TUT4: variants seen among roughly 807,000 people sequenced by gnomAD.
The protein encoded by TUT4 is terminal uridylyltransferase 4.
In TUT4, 36 loss-of-function variants were observed where a neutral mutation model predicts 192.2. The observed-to-expected ratio is 0.19, with a 90% confidence interval of 0.14 to 0.25. The LOEUF (loss-of-function observed/expected upper bound fraction) is 0.25, where lower values mean the gene tolerates loss of function less well. TUT4 is among the 10% of genes least tolerant of loss of function. The probability of loss-of-function intolerance (pLI) is 1.00; values close to 1 mark genes in which losing one functional copy is unlikely to be tolerated. For missense variants in TUT4, 1,493 were observed against 1,957.2 expected (o/e 0.76, Z 4.47); for synonymous variants, 618 against 666.0 (o/e 0.93, Z 1.11).
chr1:52,520,058 A>G (rs1444841309), intron 2 of TUT4, among the ~76,000 whole-genome samples: 1 of 152,140 alleles, frequency 6.6e-6, no homozygotes, highest in Non-Finnish European at 1.5e-5. Flanking sequence ...AGCTAGCCAT[A>G]TGGACATTTG....
intron 26 of TUT4, among the ~76,000 whole-genome samples, chr1:52,435,824 C>T (rs1653571833): frequency 6.6e-6 from 1 of 152,066 alleles, no homozygotes; most frequent in South Asian, 2.1e-4. Flanking sequence ...GTGGGAGGAT[C>T]ACTTGAGTCC....
rs1241454623 is a variant in TUT4, at chr1:52,431,089, G to A, written c.4635C>T (p.Asn1545=). The A allele has an allele frequency of 4.3e-6, 7 of 1,614,108 alleles. No homozygotes were observed. The African/African-American group carries it at 9.3e-5, about 22-fold the overall frequency. The change falls in exon 28 of 30, where the codon AAC becomes AAT. Residue 1545 remains asparagine, a synonymous_variant. Coordinates refer to ENST00000257177, the MANE Select transcript of TUT4 (RefSeq NM_001009881.3). ...QPAARPVAIP[N]TSHDGHWPRT... Reference sequence around the variant, plus strand: ...GGGGCCAGTGTCCATCGTGAGACGTGTTAGGGATTGCCACAGGTCTGGCAG... The same window carrying A: ...GGGGCCAGTGTCCATCGTGAGACGTATTAGGGATTGCCACAGGTCTGGCAG...
intron 1 of TUT4, among the ~76,000 whole-genome samples, chr1:52,545,594 TA>T (rs1687863978): frequency 6.6e-6 from 1 of 151,992 alleles, no homozygotes; most frequent in African/African-American, 2.4e-5. Flanking sequence ...TGAATATCAC[TA>T]ATCATTAGGG....
chr1:52,514,499 C>G (rs1027815469), intron 3 of TUT4, among the ~76,000 whole-genome samples: 1 of 152,088 alleles, frequency 6.6e-6, no homozygotes, highest in Non-Finnish European at 1.5e-5. Flanking sequence ...TTCCTTTTAA[C>G]TAGGATCTTG....
intron 14 of TUT4, among the ~76,000 whole-genome samples, chr1:52,470,569 CAAG>C (rs1665467753): frequency 6.6e-6 from 1 of 151,790 alleles, no homozygotes; most frequent in African/African-American, 2.4e-5. Flanking sequence ...TACTCAGATA[CAAG>C]AAGAAATTAA....
intron 1 of TUT4, among the ~76,000 whole-genome samples, chr1:52,546,248 C>G (rs1688069618): frequency 2.0e-5 from 3 of 152,178 alleles, no homozygotes; most frequent in Admixed American, 2.0e-4. Flanking sequence ...ACTGTACACT[C>G]ATGTTCACAG....
intron 16 of TUT4, among the ~76,000 whole-genome samples, chr1:52,464,595 T>G (rs1663576426): frequency 6.6e-6 from 1 of 152,144 alleles, no homozygotes; most frequent in Non-Finnish European, 1.5e-5. Flanking sequence ...GGAAAAAATT[T>G]TATGTGAGTG....
chr1:52,446,277 T>C lies in TUT4; in HGVS notation c.3679A>G (p.Ile1227Val). 2 of 1,606,886 alleles carry C rather than the reference T, an allele frequency of 1.2e-6. No homozygotes were observed. Among genetic ancestry groups the C allele is most frequent in the Non-Finnish European group, 1.7e-6 (2 of 1,178,002 alleles). The change falls in exon 22 of 30, where the codon ATT (isoleucine) becomes GTT (valine). Residue 1227 changes from isoleucine to valine, a missense_variant. Transcript: ENST00000257177. ...GCTTAAATGTTACCTTCAATTGCAATGCACTTGGAAGTCCACTGCTTCTCA... is the reference window on the plus strand; with the variant it reads ...GCTTAAATGTTACCTTCAATTGCAACGCACTTGGAAGTCCACTGCTTCTCA... ...TFEKQWTSKC[I>V]AIEDPFDLNH...
chr1:52,493,222 T>C, intron 7 of TUT4, among the ~76,000 whole-genome samples: 1 of 152,176 alleles, frequency 6.6e-6, no homozygotes, highest in East Asian at 1.9e-4. Context: ...TAGCTGGGAC[T>C]ACAGGTACGT....
At chr1:52,453,474 C>A (rs1211085165) in intron 20 of TUT4, among the ~76,000 whole-genome samples, 1 of 151,180 alleles carries the variant, frequency 6.6e-6, no homozygotes, top group Non-Finnish European at 1.5e-5. Context: ...GAAGAAAAGT[C>A]ACGATCAATA....
At chr1:52,444,893 G>GTGTGTATATATATATGTATATACATGTA (rs1570340851) in intron 24 of TUT4, among the ~76,000 whole-genome samples, 2 of 144,774 alleles carry the variant, frequency 1.4e-5, no homozygotes, top group Admixed American at 6.9e-5. Flanking sequence ...ACTCATATAT[G>GTGTGTATATATATATGTATATACATGTA]TGTGTATATA....
chr1:52,528,405 C>T (rs756794240), intron 1 of TUT4, among the ~76,000 whole-genome samples: 1 of 150,760 alleles, frequency 6.6e-6, no homozygotes, highest in East Asian at 1.9e-4. Context: ...GTGGGAGGAT[C>T]GCTTGAGACC....
intron 1 of TUT4, among the ~76,000 whole-genome samples, chr1:52,537,271 C>T (rs1017940815): frequency 5.9e-5 from 9 of 151,786 alleles, no homozygotes; most frequent in African/African-American, 2.2e-4. Flanking sequence ...AGAGCAAAGG[C>T]GTTATAAGAA....
intron 20 of TUT4, among the ~76,000 whole-genome samples, chr1:52,451,174 G>T (rs1223469773): frequency 6.6e-6 from 1 of 151,874 alleles, no homozygotes; most frequent in Admixed American, 6.6e-5. Flanking sequence ...GCTGAGGCAG[G>T]AGAATGGCGT....
At chr1:52,509,863 T>G (rs1676631138) in intron 3 of TUT4, 151 bp from the exon 4 acceptor site, 1 of 657,982 alleles carries the variant, frequency 1.5e-6, no homozygotes, top group Non-Finnish European at 2.7e-6. Context: ...AGTAATAGTT[T>G]TTAATAAACT....
chr1:52,487,144 C>T (rs1286119835), intron 9 of TUT4, among the ~76,000 whole-genome samples: 1 of 151,990 alleles, frequency 6.6e-6, no homozygotes, highest in African/African-American at 2.4e-5. Context: ...GGTGAAGTAC[C>T]TTGCTTGAAG....
intron 29 of TUT4, 47 bp downstream of exon 29, chr1:52,425,302 G>A: frequency 6.3e-7 from 1 of 1,583,862 alleles, no homozygotes; most frequent in South Asian, 1.2e-5. Flanking sequence ...CTCTATCCCA[G>A]AATAAAACCC....
chr1:52,453,017 T>C (rs1221466406), intron 20 of TUT4, among the ~76,000 whole-genome samples: 1 of 152,194 alleles, frequency 6.6e-6, no homozygotes, highest in East Asian at 1.9e-4. Flanking sequence ...GCTTGGTATA[T>C]GGGGAAAACC....
intron 1 of TUT4, among the ~76,000 whole-genome samples, chr1:52,551,315 GAATT>G (rs1258051452): frequency 1.3e-5 from 2 of 152,056 alleles, no homozygotes; most frequent in Non-Finnish European, 2.9e-5. Flanking sequence ...TTCCATTTCT[GAATT>G]ATTTTAAGAA....
Sources: allele counts gnomAD v4.1 joint callset (sites outside exome capture counted in the v4.1 genomes callset), GRCh38; gene constraint gnomAD v4.1.1; transcripts MANE v1.5; gene names NCBI Gene and HGNC (gene_info 2026-07-23, HGNC 2026-07-21).